Variants in NDST1 observed in about 807,000 individuals in gnomAD.
The protein encoded by NDST1 is N-deacetylase and N-sulfotransferase 1, also known as bifunctional heparan sulfate N-deacetylase/N-sulfotransferase 1.
A neutral mutation model predicts 92.8 loss-of-function variants in NDST1; 35 were observed. The observed-to-expected ratio is 0.38, with a 90% CI of 0.29 to 0.50. The LOEUF (loss-of-function observed/expected upper bound fraction) is 0.50. NDST1 is among the 20% of genes least tolerant of loss of function. The pLI is 0.94. For missense variants in NDST1, 822 were observed against 1,182.7 expected (o/e 0.69, Z 4.47); for synonymous variants, 493 against 500.3 (o/e 0.99, Z 0.19).
At chr5:150,539,409 T>C (rs1401710709) in intron 7 of NDST1, 53 bp downstream of exon 7, 6 of 1,612,056 alleles carry the variant, frequency 3.7e-6, no homozygotes, top group Non-Finnish European at 5.1e-6. Flanking sequence ...CTGCACAGCC[T>C]GTCTGCAGCT....
At chr5:150,530,007 C>T (rs1193306519) in intron 3 of NDST1, among the ~76,000 whole-genome samples, 4 of 152,142 alleles carry the variant, frequency 2.6e-5, no homozygotes, top group African/African-American at 7.2e-5. Context: ...CTAATTTGAC[C>T]CTAATGAACT....
chr5:150,545,945 G>GGCA (rs1755458145), intron 11 of NDST1, among the ~76,000 whole-genome samples: 1 of 151,714 alleles, frequency 6.6e-6, no homozygotes, highest in African/African-American at 2.4e-5. Flanking sequence ...CATGGAGAGG[G>GGCA]TGTGGATCCA....
intron 6 of NDST1, among the ~76,000 whole-genome samples, chr5:150,536,462 C>T (rs969031303): frequency 7.3e-5 from 11 of 151,488 alleles, no homozygotes; most frequent in East Asian, 2.0e-4. Context: ...GCCAAGATTG[C>T]GCCACTGCAC....
chr5:150,511,523 G>C (rs1357161778), intron 1 of NDST1, among the ~76,000 whole-genome samples: 4 of 152,232 alleles, frequency 2.6e-5, no homozygotes, highest in Admixed American at 6.5e-5. Flanking sequence ...GTAAATGAGA[G>C]TGGGGCACAC....
intron 1 of NDST1, among the ~76,000 whole-genome samples, chr5:150,512,250 TG>T (rs755054183): frequency 2.0e-5 from 3 of 151,768 alleles, no homozygotes; most frequent in African/African-American, 7.3e-5. Context: ...GTGTGTGTGT[TG>T]GGGGGGCAGG....
At position 150,535,038 on chromosome 5, in the gene NDST1, G is replaced by A; in HGVS notation, c.1251+17G>A. 1 of 1,610,092 alleles carries A rather than the reference G, an allele frequency of 6.2e-7. No individual in the cohort carries two copies. Among genetic ancestry groups the A allele is most frequent in the Non-Finnish European group, 8.5e-7 (1 of 1,177,968 alleles). On this transcript the variant is annotated intron_variant, in intron 5 of 14. Coordinates refer to ENST00000261797, the MANE Select transcript of NDST1 (RefSeq NM_001543.5). ...TTCGCTGTCGTGAGTAAGATTCCTT[G>A]CAGGGCAGAGCGGGGCGGGCTAAGG...
At chr5:150,535,327 G>A (rs970036021) in intron 5 of NDST1, 14 of 985,320 alleles carry the variant, frequency 1.4e-5, no homozygotes, top group Non-Finnish European at 1.7e-5. Context: ...GGAGGCTCTG[G>A]AAAGCTGGAA....
At chr5:150,501,567 C>T (rs140982557) in intron 1 of NDST1, among the ~76,000 whole-genome samples, 23 of 152,280 alleles carry the variant, frequency 1.5e-4, no homozygotes, top group Non-Finnish European at 1.9e-4. Context: ...AGCCTCTAGC[C>T]CCTGGTCTGT....
chr5:150,498,863 G>A (rs1333428027), intron 1 of NDST1, among the ~76,000 whole-genome samples: 1 of 152,188 alleles, frequency 6.6e-6, no homozygotes, highest in Non-Finnish European at 1.5e-5. Flanking sequence ...CCTGCTTCAT[G>A]CCTCCTTTTT....
chr5:150,531,759 A>G (rs1194860391), intron 3 of NDST1, among the ~76,000 whole-genome samples: 1 of 152,100 alleles, frequency 6.6e-6, no homozygotes, highest in East Asian at 1.9e-4. Flanking sequence ...TCAGCCTCCC[A>G]GGGTGCTGGG....
rs534697551 is a variant in NDST1 at position 150,521,966 on chromosome 5, C to T, written c.513+199C>T. Among the ~76,000 whole-genome samples, 8 of 152,210 alleles carry T rather than the reference C, an allele frequency of 5.3e-5. No individual in the cohort carries two copies. In the South Asian group the frequency reaches 6.2e-4, roughly 12 times the overall value. ...AAGTGCTTTGTAAGTATTAGGGGAGCGTGCCAGGGGGATCGCCTGCTGTGC... is the reference window on the plus strand; with the variant it reads ...AAGTGCTTTGTAAGTATTAGGGGAGTGTGCCAGGGGGATCGCCTGCTGTGC... On this transcript the variant is annotated intron_variant, in intron 2 of 14. Transcript: ENST00000261797. This position sits in a 1 kb window ranked among gnomAD's most constrained non-coding sequence, Gnocchi z 5.9.
chr5:150,522,721 T>C (rs774872536), intron 2 of NDST1, among the ~76,000 whole-genome samples: 15 of 151,798 alleles, frequency 9.9e-5, no homozygotes, highest in Non-Finnish European at 2.1e-4. Flanking sequence ...AAACACAGGA[T>C]GGGGCAGGTG....
intron 5 of NDST1, 112 bp downstream of exon 5, chr5:150,535,133 C>A: frequency 6.8e-7 from 1 of 1,466,024 alleles, no homozygotes; most frequent in Non-Finnish European, 9.3e-7. Context: ...TTTTTACTAA[C>A]ACCTCTGGGC....
chr5:150,535,943 T>TAC, intron 6 of NDST1, 58 bp downstream of exon 6: 1 of 1,556,902 alleles, frequency 6.4e-7, no homozygotes, highest in Non-Finnish European at 8.7e-7. Flanking sequence ...GTCTGTCATG[T>TAC]GTGTGCATAC....
At chr5:150,543,030 G>T (rs1581402093) in intron 10 of NDST1, 59 bp downstream of exon 10, 1 of 1,608,074 alleles carries the variant, frequency 6.2e-7, no homozygotes, top group Non-Finnish European at 8.5e-7. Context: ...CCTCCCAGGA[G>T]TCTGCTGTGG....
intron 1 of NDST1, among the ~76,000 whole-genome samples, chr5:150,498,460 A>C (rs1753089839): frequency 6.6e-6 from 1 of 152,136 alleles, no homozygotes; most frequent in South Asian, 2.1e-4. Flanking sequence ...CTTAGTCTCC[A>C]CCCCTGGCTC....
intron 3 of NDST1, among the ~76,000 whole-genome samples, chr5:150,530,273 G>T (rs1263270446): frequency 6.6e-6 from 1 of 152,174 alleles, no homozygotes; most frequent in Non-Finnish European, 1.5e-5. Flanking sequence ...TCTCTTAAAG[G>T]CTCTCCTGTT....
rs746022379 is a variant in NDST1, at chr5:150,535,769, G to A, written c.1321G>A (p.Val441Met). 1.2e-5 allele frequency: 19 copies of A among 1,614,098 alleles called. No homozygotes were observed. The highest frequency in any genetic ancestry group is 7.7e-5 in the South Asian group (7 of 91,090). Reference protein sequence around the residue: ...PHHSGVYPVHVQLYEAWKQVW... With the variant: ...PHHSGVYPVHMQLYEAWKQVW... Reference sequence around the variant, plus strand: ...CCACTCGGGCGTGTACCCCGTGCACGTGCAGCTGTACGAGGCTTGGAAGCA... The same window carrying A: ...CCACTCGGGCGTGTACCCCGTGCACATGCAGCTGTACGAGGCTTGGAAGCA... Residue 441 changes from valine to methionine, a missense_variant, in exon 6 of 15, where the codon GTG (valine) becomes ATG (methionine). Physicochemically the swap from Val to Met is conservative, Grantham distance 21. Coordinates refer to ENST00000261797, the MANE Select transcript of NDST1 (RefSeq NM_001543.5).
At position 150,541,672 on chromosome 5, in the gene NDST1, T is replaced by A. The variant is rs1581400212; in HGVS notation, c.1846+6T>A. 2.5e-6 allele frequency: 4 copies of A among 1,613,698 alleles called. No individual in the cohort carries two copies. Among genetic ancestry groups the A allele is most frequent in the Non-Finnish European group, 3.4e-6 (4 of 1,179,648 alleles). ...CATCGGCCCCCAGAAAACAGGCAGG[T>A]CTCTCTGCTCTTGACCGAGCTTCCC... On this transcript the variant is annotated splice_donor_region_variant and intron_variant, in intron 9 of 14. Transcript: ENST00000261797.
Sources: allele counts gnomAD v4.1 joint callset (sites outside exome capture counted in the v4.1 genomes callset), GRCh38; gene constraint gnomAD v4.1.1; non-coding constraint Gnocchi (gnomAD v3.1); transcripts MANE v1.5; gene names NCBI Gene and HGNC (gene_info 2026-07-23, HGNC 2026-07-21).